The following USP3 variants were observed in gnomAD, a reference collection of about 807,000 sequenced individuals.
The protein encoded by USP3 is ubiquitin specific peptidase 3, also known as ubiquitin carboxyl-terminal hydrolase 3.
A neutral mutation model predicts 72.3 loss-of-function variants in USP3; 20 were observed. The observed-to-expected ratio is 0.28, with a 90% CI of 0.19 to 0.40. The LOEUF (loss-of-function observed/expected upper bound fraction) is 0.40, where lower values mean the gene tolerates loss of function less well. Ranked by LOEUF, USP3 falls within the 10% of genes least tolerant of loss-of-function variation. USP3 has a pLI of 1.00. For missense variants in USP3, 479 were observed against 633.9 expected (o/e 0.76, Z 2.62); for synonymous variants, 222 against 225.3 (o/e 0.99, Z 0.13).
chr15:63,550,268 T>C (rs2066417876), intron 3 of USP3, among the ~76,000 whole-genome samples: 1 of 152,218 alleles, frequency 6.6e-6, no homozygotes, highest in Non-Finnish European at 1.5e-5. Context: ...TCCACCCAGC[T>C]CGGCCTCCCA....
At chr15:63,548,812 A>G (rs898050335) in intron 3 of USP3, among the ~76,000 whole-genome samples, 2 of 151,148 alleles carry the variant, frequency 1.3e-5, no homozygotes, top group East Asian at 2.0e-4. Context: ...TCATGCCTCA[A>G]CCTCCTGAGT....
At chr15:63,526,126 G>A (rs1304484276) in intron 1 of USP3, among the ~76,000 whole-genome samples, 1 of 152,030 alleles carries the variant, frequency 6.6e-6, no homozygotes, top group African/African-American at 2.4e-5. Context: ...ACAGTATAGT[G>A]GCTCCTATCC....
chr15:63,513,740 T>C (rs1400663110), intron 1 of USP3, among the ~76,000 whole-genome samples: 2 of 152,236 alleles, frequency 1.3e-5, no homozygotes, highest in Non-Finnish European at 2.9e-5. Context: ...TGTTGCACAA[T>C]GCCGGAGTAA....
chr15:63,526,359 G>T (rs9673039), intron 1 of USP3, among the ~76,000 whole-genome samples: 121,946 of 152,166 alleles, frequency 0.8, 50,690 homozygotes, highest in Non-Finnish European at 0.86. Flanking sequence ...GCAAGTTACA[G>T]TACTGCTCTG....
chr15:63,568,559 T>C (rs1383329485), intron 8 of USP3, among the ~76,000 whole-genome samples: 1 of 152,134 alleles, frequency 6.6e-6, no homozygotes, highest in Non-Finnish European at 1.5e-5. Flanking sequence ...TTAACATGAT[T>C]ATAAAACAAG....
chr15:63,532,916 A>C (rs1298038642), intron 2 of USP3, among the ~76,000 whole-genome samples: 1 of 152,190 alleles, frequency 6.6e-6, no homozygotes, highest in African/African-American at 2.4e-5. Flanking sequence ...TCGTATTGAT[A>C]CTCAGAAGAA....
chr15:63,589,338 T>G (rs932889350), intron 14 of USP3, among the ~76,000 whole-genome samples: 1 of 152,222 alleles, frequency 6.6e-6, no homozygotes, highest in African/African-American at 2.4e-5. Flanking sequence ...TTGGAATAAC[T>G]TACTCCATAT....
chr15:63,523,065 G>T (rs182742580), intron 1 of USP3, among the ~76,000 whole-genome samples: 2 of 152,262 alleles, frequency 1.3e-5, no homozygotes, highest in East Asian at 3.9e-4. Context: ...CATTAGATAC[G>T]TAAAATTTAA....
intron 1 of USP3, among the ~76,000 whole-genome samples, chr15:63,532,281 G>A (rs1363355788): frequency 2.0e-5 from 3 of 152,180 alleles, no homozygotes; most frequent in Admixed American, 2.0e-4. Flanking sequence ...GCAATGACAT[G>A]TGATTAAATG....
chr15:63,545,201 CCTT>C (rs1348416431), intron 3 of USP3, among the ~76,000 whole-genome samples: 1 of 152,114 alleles, frequency 6.6e-6, no homozygotes, highest in African/African-American at 2.4e-5. Flanking sequence ...TTGTTTACCT[CCTT>C]AATTATATAA....
chr15:63,519,545 TA>T (rs2065891571), intron 1 of USP3, among the ~76,000 whole-genome samples: 1 of 152,222 alleles, frequency 6.6e-6, no homozygotes, highest in South Asian at 2.1e-4. Flanking sequence ...TTGGTGATAC[TA>T]ACTTTGATTA....
At chr15:63,527,616 C>G (rs1480002673) in intron 1 of USP3, among the ~76,000 whole-genome samples, 1 of 152,168 alleles carries the variant, frequency 6.6e-6, no homozygotes, top group Non-Finnish European at 1.5e-5. Flanking sequence ...TATTGAAGAT[C>G]AGTGGCTATG....
intron 3 of USP3, among the ~76,000 whole-genome samples, chr15:63,547,791 A>G (rs2066361729): frequency 1.0e-5 from 1 of 96,262 alleles, no homozygotes; most frequent in African/African-American, 4.1e-5. Context: ...AGAGAGAGAG[A>G]GAGAGAGAGG....
intron 3 of USP3, among the ~76,000 whole-genome samples, chr15:63,548,389 G>T (rs147765574): frequency 6.6e-6 from 1 of 151,278 alleles, no homozygotes; most frequent in African/African-American, 2.4e-5. Flanking sequence ...GCAGTAGCAC[G>T]ATCTCAGCTT....
intron 1 of USP3, among the ~76,000 whole-genome samples, chr15:63,508,938 G>GT (rs2065748446): frequency 7.6e-6 from 1 of 131,694 alleles, no homozygotes; most frequent in South Asian, 2.4e-4. Context: ...TCAAGTAAAT[G>GT]TTCTGCAATT....
intron 11 of USP3, among the ~76,000 whole-genome samples, chr15:63,580,543 A>G (rs1387095833): frequency 2.0e-5 from 3 of 150,384 alleles, no homozygotes; most frequent in African/African-American, 7.3e-5. Context: ...CTTTCCATAG[A>G]GATGCTGTTT....
intron 1 of USP3, among the ~76,000 whole-genome samples, chr15:63,521,496 A>C (rs374662998): frequency 7.2e-5 from 11 of 152,368 alleles, no homozygotes; most frequent in South Asian, 6.2e-4. Context: ...AAATGTATCC[A>C]AGGCTGTTGA....
intron 8 of USP3, among the ~76,000 whole-genome samples, chr15:63,563,959 A>C (rs563803089): frequency 6.6e-6 from 1 of 152,300 alleles, no homozygotes; most frequent in African/African-American, 2.4e-5. Flanking sequence ...TTGGTTTTGA[A>C]AGAAACTCCT....
At chr15:63,521,689 C>T (rs1001029278) in intron 1 of USP3, among the ~76,000 whole-genome samples, 2 of 152,176 alleles carry the variant, frequency 1.3e-5, no homozygotes, top group African/African-American at 2.4e-5. Flanking sequence ...GTCAGCTCGG[C>T]TCAGACCAGC....
Sources: allele counts gnomAD v4.1 joint callset (sites outside exome capture counted in the v4.1 genomes callset), GRCh38; gene constraint gnomAD v4.1.1; transcripts MANE v1.5; gene names NCBI Gene and HGNC (gene_info 2026-07-23, HGNC 2026-07-21).